Variants in PPP2R5A observed in about 807,000 individuals in gnomAD.
The protein encoded by PPP2R5A is protein phosphatase 2 regulatory subunit B'alpha.
Under a neutral mutation model 64.2 loss-of-function variants are expected in PPP2R5A, and 25 were observed. That is an observed-to-expected ratio of 0.39 (90% confidence interval 0.28 to 0.54). The LOEUF (loss-of-function observed/expected upper bound fraction) is 0.54, where lower values mean the gene tolerates loss of function less well. Among genes scored for constraint, PPP2R5A ranks in the 20% least tolerant of loss-of-function variants. The pLI is 0.67. For synonymous variants in PPP2R5A, 198 were observed against 201.2 expected, an observed-to-expected ratio of 0.98 and a Z score of 0.13; for missense variants, 425 against 576.3, an observed-to-expected ratio of 0.74 and a Z score of 2.69.
intron 3 of PPP2R5A, among the ~76,000 whole-genome samples, chr1:212,339,304 A>G (rs1192127821): frequency 6.6e-6 from 1 of 152,060 alleles, no homozygotes; most frequent in African/African-American, 2.4e-5. Context: ...CAGCCTCCCA[A>G]GTAGCTGGGA....
At chr1:212,351,630 G>C (rs1011139024) in intron 8 of PPP2R5A, among the ~76,000 whole-genome samples, 9 of 152,116 alleles carry the variant, frequency 5.9e-5, no homozygotes, top group African/African-American at 1.7e-4. Flanking sequence ...AGAATTGCTT[G>C]AGGCAGGAGA....
chr1:212,348,080 TACTG>T (rs1454992371), intron 6 of PPP2R5A, among the ~76,000 whole-genome samples: 1 of 152,210 alleles, frequency 6.6e-6, no homozygotes, highest in Admixed American at 6.5e-5. Context: ...AATATTGTGG[TACTG>T]ACTCTCCTGG....
At chr1:212,302,127 A>G in intron 1 of PPP2R5A, 1 of 1,477,732 alleles carries the variant, frequency 6.8e-7, no homozygotes, top group Non-Finnish European at 9.1e-7. Context: ...TCTACTTGGT[A>G]TTTGAAATCT....
Position 212,320,646 on chromosome 1 carries a change from C to T in PPP2R5A, c.182-8489C>T, listed in dbSNP as rs1446641016. ...GGGCTGACCTCCCTGCCTCCCTCCC[C>T]GCCTCCCTCCCGGATGGGGCGGCTG... On this transcript the variant is annotated intron_variant, in intron 1 of 12. Coordinates refer to ENST00000261461, the MANE Select transcript of PPP2R5A (RefSeq NM_006243.4). 1.2e-4 allele frequency among the ~76,000 whole-genome samples: 18 copies of T among 144,632 alleles called. No individual in the cohort carries two copies. The East Asian group carries it at 2.6e-3, about 21-fold the overall frequency. The allele number at this position is 144,632 out of a possible 152,430, so 94.9% of individuals were successfully genotyped here.
intron 3 of PPP2R5A, among the ~76,000 whole-genome samples, chr1:212,339,900 G>T (rs7513268): frequency 6.7e-6 from 1 of 148,170 alleles, no homozygotes; most frequent in African/African-American, 2.5e-5. Context: ...CCTTATGGTG[G>T]AATCTCCAGG....
chr1:212,288,903 G>T (rs988181900), intron 1 of PPP2R5A, among the ~76,000 whole-genome samples: 1 of 152,164 alleles, frequency 6.6e-6, no homozygotes, highest in African/African-American at 2.4e-5. Flanking sequence ...AACTGGAAAG[G>T]TGCCAACTAG....
chr1:212,286,014 G>C lies in PPP2R5A; in HGVS notation c.-97G>C. On this transcript the variant is annotated 5_prime_UTR_variant, in exon 1 of 13. Transcript: ENST00000261461. ...GTGGGGCCGGGGCGCAGGGGCGCGAGCACCCCGCGCCTCTCCCCCGCCTCC... is the reference window on the plus strand; with the variant it reads ...GTGGGGCCGGGGCGCAGGGGCGCGACCACCCCGCGCCTCTCCCCCGCCTCC... The C allele has an allele frequency of 1.6e-6, 2 of 1,267,848 alleles. No individual in the cohort carries two copies. Among genetic ancestry groups the C allele is most frequent in the Non-Finnish European group, 2.0e-6 (2 of 983,126 alleles). The allele number at this position is 1,267,848 out of a possible 1,614,324, so 78.5% of individuals were successfully genotyped here. A position where few individuals can be genotyped will look rare whatever the true frequency, so the allele number is the denominator to read the frequency against.
chr1:212,301,871 A>G, intron 1 of PPP2R5A: 3 of 1,305,130 alleles, frequency 2.3e-6, no homozygotes, highest in Non-Finnish European at 2.9e-6. Flanking sequence ...TTAGATTTCA[A>G]GTATGTTAGC....
At chr1:212,351,045 G>GAGGCACA (rs1659867669) in intron 8 of PPP2R5A, among the ~76,000 whole-genome samples, 1 of 150,744 alleles carries the variant, frequency 6.6e-6, no homozygotes, top group Non-Finnish European at 1.5e-5. Context: ...TAGGGAGGCC[G>GAGGCACA]AGGCACAAGA....
intron 1 of PPP2R5A, among the ~76,000 whole-genome samples, chr1:212,316,680 T>G (rs1021155970): frequency 6.7e-6 from 1 of 148,716 alleles, no homozygotes; most frequent in African/African-American, 2.5e-5. Context: ...AATTATCCCT[T>G]TGGGATCATG....
intron 1 of PPP2R5A, among the ~76,000 whole-genome samples, chr1:212,299,814 C>CT (rs59480144): frequency 0.022 from 3,065 of 141,894 alleles, 66 homozygotes; most frequent in African/African-American, 0.051. Context: ...CTTCATAAGA[C>CT]TTTTTTTTTT....
chr1:212,359,778 TAGCA>T (rs964304528), intron 12 of PPP2R5A, among the ~76,000 whole-genome samples: 1 of 152,166 alleles, frequency 6.6e-6, no homozygotes, highest in African/African-American at 2.4e-5. Flanking sequence ...TTCCTTTAAA[TAGCA>T]GCATTCAGGC....
At chr1:212,332,654 T>C (rs1253899787) in intron 2 of PPP2R5A, among the ~76,000 whole-genome samples, 1 of 152,166 alleles carries the variant, frequency 6.6e-6, no homozygotes, top group Non-Finnish European at 1.5e-5. Flanking sequence ...ATATTAACAG[T>C]GAAGGCATTC....
chr1:212,330,880 AG>A (rs1659491598), intron 2 of PPP2R5A, among the ~76,000 whole-genome samples: 1 of 151,582 alleles, frequency 6.6e-6, no homozygotes. Flanking sequence ...TTTTGGAGAC[AG>A]AGTTGGCTGG....
At chr1:212,332,245 G>A (rs182947865) in intron 2 of PPP2R5A, among the ~76,000 whole-genome samples, 377 of 152,278 alleles carry the variant, frequency 2.5e-3, no homozygotes, top group Non-Finnish European at 4.2e-3. Context: ...ACTATTAGCA[G>A]TTAATTTGTG....
chr1:212,342,255 A>C lies in PPP2R5A; in HGVS notation c.548A>C (p.Tyr183Ser). The C allele has an allele frequency of 6.2e-7, 1 of 1,613,548 alleles. No individual in the cohort carries two copies. Among genetic ancestry groups the C allele is most frequent in the Non-Finnish European group, 8.5e-7 (1 of 1,179,700 alleles). ...PDFQPSIAKRYIDQKFVQQLL... is the reference protein window; with the variant it reads ...PDFQPSIAKRSIDQKFVQQLL... ...TTCCAGCCTAGCATTGCAAAACGATACATTGATCAGAAATTCGTACAACAG... is the reference window on the plus strand; with the variant it reads ...TTCCAGCCTAGCATTGCAAAACGATCCATTGATCAGAAATTCGTACAACAG... Residue 183 changes from tyrosine (Y) to serine (S), a missense_variant, in exon 4 of 13, where the codon TAC becomes TCC. Physicochemically the swap from Tyr to Ser is moderately radical, Grantham distance 144 (BLOSUM62 -2). Around this residue, in one of 4 missense-constraint regions of PPP2R5A, gnomAD observed 140 missense variants for 204.4 expected, o/e 0.68. Transcript: ENST00000261461.
At chr1:212,291,581 T>C (rs1402015549) in intron 1 of PPP2R5A, among the ~76,000 whole-genome samples, 1 of 152,228 alleles carries the variant, frequency 6.6e-6, no homozygotes, top group Non-Finnish European at 1.5e-5. Context: ...AATTCATTAA[T>C]TGAGACTTCG....
At chr1:212,296,053 A>G (rs1431755668) in intron 1 of PPP2R5A, among the ~76,000 whole-genome samples, 1 of 152,114 alleles carries the variant, frequency 6.6e-6, no homozygotes, top group Non-Finnish European at 1.5e-5. Context: ...GTAGCCCAAG[A>G]TGGAGAGAAG....
At chr1:212,330,079 T>C (rs1049250206) in intron 2 of PPP2R5A, among the ~76,000 whole-genome samples, 68 of 152,296 alleles carry the variant, frequency 4.5e-4, no homozygotes, top group African/African-American at 1.3e-3. Flanking sequence ...TAATATCTGA[T>C]GTGGAAAAAA....
Sources: allele counts gnomAD v4.1 joint callset (sites outside exome capture counted in the v4.1 genomes callset), GRCh38; gene constraint gnomAD v4.1.1; regional missense constraint gnomAD v4.1.1; transcripts MANE v1.5; gene names NCBI Gene and HGNC (gene_info 2026-07-23, HGNC 2026-07-21).